Variants in PHLDB1 observed in about 807,000 individuals in gnomAD.
The protein encoded by PHLDB1 is pleckstrin homology like domain family B member 1, also known as pleckstrin homology-like domain family B member 1.
PHLDB1 carries 65 observed loss-of-function variants against 139.3 expected under a neutral mutation model. The observed-to-expected ratio is 0.47, with a 90% confidence interval of 0.38 to 0.57. The LOEUF (loss-of-function observed/expected upper bound fraction) is 0.57. Among genes scored for constraint, PHLDB1 ranks in the 20% least tolerant of loss-of-function variants. PHLDB1 has a pLI of 0.00. For missense variants in PHLDB1, 1,624 were observed against 1,839.7 expected (o/e 0.88, Z 2.14); for synonymous variants, 679 against 734.5 (o/e 0.92, Z 1.22).
chr11:118,639,193 G>A lies in PHLDB1; in HGVS notation c.2678G>A (p.Arg893Lys). ...EKEKLTVLER[R>K]YHSLTGGRPF... is the part of the protein sequence containing the mutation. Reference sequence around the variant, plus strand: ...GAGAAGCTGACTGTGCTGGAAAGGAGATACCACTCACTCACAGGGGGCAGG... The same window carrying A: ...GAGAAGCTGACTGTGCTGGAAAGGAAATACCACTCACTCACAGGGGGCAGG... Residue 893 changes from arginine (R) to lysine (K), a missense_variant, in exon 12 of 23, where the codon AGA (arginine) becomes AAA (lysine). Coordinates refer to ENST00000600882, the MANE Select transcript of PHLDB1 (RefSeq NM_001144758.3). 1 of 1,614,166 alleles carries A rather than the reference G, an allele frequency of 6.2e-7. No individual in the cohort carries two copies. The highest frequency in any genetic ancestry group is 1.1e-5 in the South Asian group (1 of 91,080).
intron 10 of PHLDB1, 106 bp from the exon 11 acceptor site, chr11:118,638,785 C>T: frequency 1.3e-6 from 1 of 792,004 alleles, no homozygotes; most frequent in Non-Finnish European, 2.0e-6. Flanking sequence ...GCTGGTTGAT[C>T]CCCTTCACCT....
At chr11:118,639,511 C>G in intron 12 of PHLDB1, 1 of 501,290 alleles carries the variant, frequency 2.0e-6, no homozygotes, top group Non-Finnish European at 3.6e-6. Context: ...TGGGGGGACT[C>G]AGGGGCCTGG....
chr11:118,655,401 T>A (rs532024112), intron 20 of PHLDB1: 6 of 482,318 alleles, frequency 1.2e-5, no homozygotes, highest in African/African-American at 9.7e-5. Flanking sequence ...GGAGTTCTGA[T>A]TTGTATTTCT....
rs1555084304 is a variant in PHLDB1, at chr11:118,611,832, A to AAATAAT, written c.-21-1969_-21-1964dup. Among the ~76,000 whole-genome samples the AAATAAT allele has an allele frequency of 2.0e-5, 3 of 147,064 alleles. No homozygotes were observed. Among genetic ancestry groups the AAATAAT allele is most frequent in the South Asian group, 2.1e-4 (1 of 4,712 alleles). On this transcript the variant is annotated intron_variant, in intron 1 of 22. Transcript: ENST00000600882. The surrounding 1 kb of genome is among the most constrained non-coding windows in gnomAD (Gnocchi z 4.7). ...AAACTCCGTCTCAAAAAAAAAAAAAAAATAATAATAATAATAATAAATGGC... is the reference window on the plus strand; with the variant it reads ...AAACTCCGTCTCAAAAAAAAAAAAAAAATAATAATAATAATAATAATAATAAATGGC...
intron 21 of PHLDB1, 57 bp from the exon 22 acceptor site, chr11:118,655,803 C>A: frequency 6.5e-7 from 1 of 1,546,208 alleles, no homozygotes; most frequent in Non-Finnish European, 8.9e-7. Context: ...GAGGCTCCAA[C>A]CCAGTCCTTG....
intron 20 of PHLDB1, chr11:118,652,512 A>G (rs1948490768): frequency 6.6e-6 from 1 of 152,250 alleles, no homozygotes; most frequent in Admixed American, 6.5e-5. Context: ...GCGCTGTGCT[A>G]AGCACTCTGC....
In PHLDB1 at chr11:118,648,047, G is replaced by A. The variant is rs782620729; in HGVS notation, c.3625G>A (p.Val1209Ile). Residue 1209 changes from valine (V) to isoleucine (I), a missense_variant, in exon 18 of 23, where the codon GTC becomes ATC. Physicochemically the swap from Val to Ile is conservative, Grantham distance 29. Transcript: ENST00000600882. ...ARRQQLVEKE[V>I]KMREKQFSQA... ...GAGGCAGCAGCTGGTCGAGAAGGAG[G>A]TCAAGATGCGGGAGAAACAATTTTC... 4 of 1,613,632 alleles carry A rather than the reference G, an allele frequency of 2.5e-6. No homozygotes were observed. In the South Asian group the frequency reaches 3.3e-5, roughly 13 times the overall value.
Position 118,631,401 on chromosome 11 carries a change from C to A in PHLDB1, c.2022C>A (p.Arg674=). The A allele has an allele frequency of 6.7e-7, 1 of 1,496,148 alleles. No individual in the cohort carries two copies. Among genetic ancestry groups the A allele is most frequent in the Non-Finnish European group, 8.9e-7 (1 of 1,123,216 alleles). The allele number at this position is 1,496,148 out of a possible 1,614,324, so 92.7% of individuals were successfully genotyped here. Residue 674 remains arginine (R), a synonymous_variant, in exon 7 of 23, where the codon CGC becomes CGA. Coordinates refer to ENST00000600882, the MANE Select transcript of PHLDB1 (RefSeq NM_001144758.3). ...SSEEPGVATQ[R]LWESMERSDE... Reference sequence around the variant, plus strand: ...AGGAGCCTGGCGTTGCCACCCAACGCCTATGGGAGAGTATGGAGCGCTCAG... The same window carrying A: ...AGGAGCCTGGCGTTGCCACCCAACGACTATGGGAGAGTATGGAGCGCTCAG...
At position 118,635,070 on chromosome 11, in the gene PHLDB1, C is replaced by G. The variant is rs782222610; in HGVS notation, c.2380-323C>G. The G allele has an allele frequency of 7.9e-5, 40 of 508,040 alleles. 1 individual carries two copies. The highest frequency in any genetic ancestry group is 5.2e-4 in the East Asian group (12 of 23,244). The allele number at this position is 508,040 out of a possible 1,614,324, so 31.5% of individuals were successfully genotyped here. A position where few individuals can be genotyped will look rare whatever the true frequency, so the allele number is the denominator to read the frequency against. ...GAGAAGGGTCAGTTCCACCGCCCCC[C>G]CTCCCCCGGCCCCGCGGGCCACGCC... On this transcript the variant is annotated intron_variant, in intron 9 of 22. Transcript: ENST00000600882.
chr11:118,643,899 C>G lies in PHLDB1; in HGVS notation c.2977C>G (p.Gln993Glu). The G allele has an allele frequency of 6.2e-7, 1 of 1,610,882 alleles. No individual in the cohort carries two copies. Among genetic ancestry groups the G allele is most frequent in the Non-Finnish European group, 8.5e-7 (1 of 1,178,424 alleles). ...CTCTGGCTCTTCCTCCTCCTCCTCC[C>G]AGCTCAGCGTGGCTACCCTGGGGCG... ...SSSGSSSSSS[Q>E]LSVATLGRSP... The change falls in exon 14 of 23, where the codon CAG becomes GAG. Residue 993 changes from glutamine to glutamate, a missense_variant. By Grantham distance (29) the Gln-to-Glu change is conservative. Coordinates refer to ENST00000600882, the MANE Select transcript of PHLDB1 (RefSeq NM_001144758.3).
At chr11:118,627,207 C>T in intron 5 of PHLDB1, 98 bp from the exon 6 acceptor site, 1 of 1,231,042 alleles carries the variant, frequency 8.1e-7, no homozygotes, top group Non-Finnish European at 1.2e-6. Flanking sequence ...TCTCCAGAGC[C>T]TTGTTAGCCT....
chr11:118,610,716 A>G lies in PHLDB1; in HGVS notation c.-22+3017A>G, dbSNP rs10892246. Among the ~76,000 whole-genome samples, 92,912 of 151,978 alleles carry G rather than the reference A, an allele frequency of 0.61. 28,653 individuals are homozygous for G. Among genetic ancestry groups the G allele is most frequent in the East Asian group, 0.77 (3,974 of 5,130 alleles). ...CCTTGGCCTCCTTCAGGCGGGGGCCAAGACCCCCGAGAGTTCACTCTGGGT... is the reference window on the plus strand; with the variant it reads ...CCTTGGCCTCCTTCAGGCGGGGGCCGAGACCCCCGAGAGTTCACTCTGGGT... On this transcript the variant is annotated intron_variant, in intron 1 of 22. Coordinates refer to ENST00000600882, the MANE Select transcript of PHLDB1 (RefSeq NM_001144758.3). This position sits in a 1 kb window ranked among gnomAD's most constrained non-coding sequence, Gnocchi z 8.7.
intron 7 of PHLDB1, 136 bp from the exon 8 acceptor site, chr11:118,631,777 G>C (rs1555110811): frequency 7.5e-6 from 8 of 1,061,250 alleles, no homozygotes; most frequent in Non-Finnish European, 9.6e-6. Context: ...GGGGGTTGCG[G>C]GGGGGCAGGG....
In PHLDB1 at chr11:118,642,072, C is replaced by T. The variant is rs577408952; in HGVS notation, c.2737-182C>T. On this transcript the variant is annotated intron_variant, in intron 12 of 22. Coordinates refer to ENST00000600882, the MANE Select transcript of PHLDB1 (RefSeq NM_001144758.3). ...TCTCCTTTCTCCCTTCCTTCCTCCC[C>T]TTCTTCCTTCACCTTCCTGTCCATT... 1.8e-3 allele frequency: 1,235 copies of T among 681,550 alleles called. 4 individuals are homozygous for T. The highest frequency in any genetic ancestry group is 2.6e-3 in the Non-Finnish European group (1,002 of 381,624). 42.2% of individuals were successfully genotyped at this position (681,550 alleles called of 1,614,324 possible).
At chr11:118,623,912 G>A (rs1385310318) in intron 4 of PHLDB1, among the ~76,000 whole-genome samples, 1 of 151,228 alleles carries the variant, frequency 6.6e-6, no homozygotes, top group Non-Finnish European at 1.5e-5. Flanking sequence ...GTGTGTGTGT[G>A]TGTGTGAGAC....
chr11:118,626,902 G>A (rs149879205), intron 5 of PHLDB1: 18 of 209,808 alleles, frequency 8.6e-5, no homozygotes, highest in Middle Eastern at 3.5e-3. Context: ...TGATCTGCCC[G>A]CCTTGGCCTC....
chr11:118,630,081 G>A, intron 6 of PHLDB1: 1 of 1,284,478 alleles, frequency 7.8e-7, no homozygotes, highest in South Asian at 1.2e-5. Context: ...GAGGGAAGCT[G>A]GGTAAGTGTA....
At position 118,648,027 on chromosome 11, in the gene PHLDB1, A is replaced by C; in HGVS notation, c.3605A>C (p.Gln1202Pro). Residue 1202 changes from glutamine to proline, a missense_variant, in exon 18 of 23, where the codon CAG becomes CCG. Coordinates refer to ENST00000600882, the MANE Select transcript of PHLDB1 (RefSeq NM_001144758.3). The stretch of plus-strand genomic sequence containing the variant: ...CTGCAGAGTGAGAGTGCCCGGAGGC[A>C]GCAGCTGGTCGAGAAGGAGGTCAAG... ...RRLQSESARR[Q>P]QLVEKEVKMR... 1 of 1,613,270 alleles carries C rather than the reference A, an allele frequency of 6.2e-7. No individual in the cohort carries two copies. Among genetic ancestry groups the C allele is most frequent in the East Asian group, 2.2e-5 (1 of 44,868 alleles).
chr11:118,639,019 G>A lies in PHLDB1; in HGVS notation c.2646+18G>A, dbSNP rs371518873. ...TGCAAAAGGTAGGGTCCCTGAGGTT[G>A]GGCCGGGAGATTTGGAGTAGGGTAA... On this transcript the variant is annotated intron_variant, in intron 11 of 22. Transcript: ENST00000600882. 1.2e-6 allele frequency: 2 copies of A among 1,605,044 alleles called. No individual in the cohort carries two copies. Among genetic ancestry groups the A allele is most frequent in the African/African-American group, 2.7e-5 (2 of 74,764 alleles).
Sources: gnomAD v4.1 joint callset for allele counts (sites outside exome capture counted in the v4.1 genomes callset) on GRCh38, gnomAD v4.1.1 for gene constraint, Gnocchi (gnomAD v3.1) non-coding constraint, MANE v1.5 for transcripts, NCBI Gene and HGNC (gene_info 2026-07-23, HGNC 2026-07-21) for gene names.